AKAP6: variants seen among roughly 807,000 people sequenced by gnomAD.
AKAP6 encodes the protein A-kinase anchor protein 6.
Under a neutral mutation model 188.5 loss-of-function variants are expected in AKAP6, and 58 were observed. The observed-to-expected ratio is 0.31, with a 90% CI of 0.25 to 0.38. The LOEUF (loss-of-function observed/expected upper bound fraction) is 0.38. Among genes scored for constraint, AKAP6 ranks in the 10% least tolerant of loss-of-function variants. The pLI is 1.00. For synonymous variants in AKAP6, 989 were observed against 998.6 expected, an observed-to-expected ratio of 0.99 and a Z score of 0.18; for missense variants, 2,710 against 2,740.0, an observed-to-expected ratio of 0.99 and a Z score of 0.24.
In AKAP6 at chr14:32,742,499, A is replaced by C. The variant is rs139480243; in HGVS notation, c.3372+6617A>C. ...TTTTTCCTCTTTTTTTGATGTAGGC[A>C]CTTATAACTACAAAATTCCCTCTTA... On this transcript the variant is annotated intron_variant, in intron 11 of 13. Transcript: ENST00000280979. Among the ~76,000 whole-genome samples the C allele has an allele frequency of 2.8e-4, 42 of 151,948 alleles. No individual in the cohort carries two copies. In the East Asian group the frequency reaches 7.9e-3, roughly 29 times the overall value.
chr14:32,801,987 T>G (rs1041459877), intron 12 of AKAP6, among the ~76,000 whole-genome samples: 1 of 152,194 alleles, frequency 6.6e-6, no homozygotes, highest in African/African-American at 2.4e-5. Flanking sequence ...ATAGATTTTT[T>G]GGTATTTATC....
chr14:32,674,256 C>G (rs1040315962), intron 7 of AKAP6, among the ~76,000 whole-genome samples: 2 of 152,186 alleles, frequency 1.3e-5, no homozygotes, highest in African/African-American at 4.8e-5. Flanking sequence ...AACCAAATAT[C>G]CTAGGCCATG....
At chr14:32,497,045 C>T (rs546778812) in intron 2 of AKAP6, among the ~76,000 whole-genome samples, 3 of 152,004 alleles carry the variant, frequency 2.0e-5, no homozygotes, top group African/African-American at 4.8e-5. Context: ...ATCCGGAGAC[C>T]GTGGGCATAC....
In AKAP6 at chr14:32,712,047, G is replaced by T. The variant is rs1373155876; in HGVS notation, c.3000+15937G>T. The stretch of plus-strand genomic sequence containing the variant: ...TAAGACTTAATTTCACAGGCTAAAA[G>T]AACAAACTCATGGGTAAATATAATA... On this transcript the variant is annotated intron_variant, in intron 9 of 13. Coordinates refer to ENST00000280979, the MANE Select transcript of AKAP6 (RefSeq NM_004274.5). 2.0e-5 allele frequency among the ~76,000 whole-genome samples: 3 copies of T among 151,926 alleles called. No homozygotes were observed. The East Asian group carries it at 5.8e-4, about 29-fold the overall frequency.
chr14:32,635,981 A>G (rs1887469145), intron 7 of AKAP6, among the ~76,000 whole-genome samples: 1 of 152,106 alleles, frequency 6.6e-6, no homozygotes, highest in Non-Finnish European at 1.5e-5. Flanking sequence ...TCCACTATTA[A>G]GCTTACTGAT....
chr14:32,820,458 G>C (rs2034491462), intron 12 of AKAP6, among the ~76,000 whole-genome samples: 1 of 151,966 alleles, frequency 6.6e-6, no homozygotes, highest in African/African-American at 2.4e-5. Context: ...GAAACATCAA[G>C]GGTCCCAAGT....
At chr14:32,478,827 A>G (rs1177260280) in intron 2 of AKAP6, among the ~76,000 whole-genome samples, 1 of 152,192 alleles carries the variant, frequency 6.6e-6, no homozygotes, top group East Asian at 1.9e-4. Context: ...AGGAAATGGA[A>G]GAGAAGCATA....
chr14:32,496,681 G>A (rs754250362), intron 2 of AKAP6, among the ~76,000 whole-genome samples: 5 of 152,062 alleles, frequency 3.3e-5, no homozygotes, highest in Non-Finnish European at 7.4e-5. Flanking sequence ...TATTGTTAAT[G>A]TATTGCAGCC....
intron 1 of AKAP6, among the ~76,000 whole-genome samples, chr14:32,354,309 A>AG (rs11397425): frequency 6.6e-6 from 1 of 151,956 alleles, no homozygotes; most frequent in African/African-American, 2.4e-5. Flanking sequence ...AAAAAAAAAA[A>AG]GTAACAATTT....
Position 32,704,404 on chromosome 14 carries a change from A to G in AKAP6, c.3000+8294A>G, listed in dbSNP as rs1010810138. On this transcript the variant is annotated intron_variant, in intron 9 of 13. Coordinates refer to ENST00000280979, the MANE Select transcript of AKAP6 (RefSeq NM_004274.5). ...TTGTAGATTTCTTTCTAGTTTCTAG[A>G]AAAGAAAGTAGAGGAACATTTAAAT... Among the ~76,000 whole-genome samples the G allele has an allele frequency of 1.2e-4, 19 of 152,174 alleles. 1 individual carries two copies.
At chr14:32,732,679 T>G in intron 10 of AKAP6, 79 bp downstream of exon 10, 1 of 1,485,446 alleles carries the variant, frequency 6.7e-7, no homozygotes, top group Non-Finnish European at 9.3e-7. Flanking sequence ...ATTTCTAATT[T>G]GAGGCACAAA....
chr14:32,629,831 T>G (rs1439175219), intron 7 of AKAP6, among the ~76,000 whole-genome samples: 1 of 152,002 alleles, frequency 6.6e-6, no homozygotes, highest in Non-Finnish European at 1.5e-5. Context: ...TCTGAACACT[T>G]TGAGAGGCTG....
chr14:32,406,228 C>G (rs1259025320), intron 1 of AKAP6, among the ~76,000 whole-genome samples: 1 of 152,142 alleles, frequency 6.6e-6, no homozygotes, highest in Non-Finnish European at 1.5e-5. Context: ...TGTTTTGAGA[C>G]AGAGTCTTGC....
intron 1 of AKAP6, among the ~76,000 whole-genome samples, chr14:32,357,700 T>C (rs902962953): frequency 2.0e-5 from 3 of 152,244 alleles, no homozygotes; most frequent in African/African-American, 7.2e-5. Context: ...CGAAACACCT[T>C]ACATCCACCT....
At chr14:32,797,993 G>A (rs570205544) in intron 12 of AKAP6, among the ~76,000 whole-genome samples, 1 of 147,032 alleles carries the variant, frequency 6.8e-6, no homozygotes, top group African/African-American at 2.5e-5. Flanking sequence ...TGCAAACTAT[G>A]CATGTGACAA....
chr14:32,772,483 T>A (rs1424416725), intron 11 of AKAP6, among the ~76,000 whole-genome samples: 3 of 152,202 alleles, frequency 2.0e-5, no homozygotes, highest in Non-Finnish European at 4.4e-5. Context: ...TACAGAGTTC[T>A]CTCATTACAG....
intron 1 of AKAP6, among the ~76,000 whole-genome samples, chr14:32,422,971 T>C (rs922474622): frequency 1.3e-5 from 2 of 152,186 alleles, no homozygotes; most frequent in Non-Finnish European, 2.9e-5. Context: ...TTTTGTGAGT[T>C]GGTTAAGTCA....
At chr14:32,607,469 G>A (rs891439044) in intron 7 of AKAP6, among the ~76,000 whole-genome samples, 14 of 152,192 alleles carry the variant, frequency 9.2e-5, no homozygotes, top group Admixed American at 6.5e-5. Flanking sequence ...TGTGCCTAAA[G>A]TAATGGAAAG....
At chr14:32,718,890 C>T (rs1414389714) in intron 9 of AKAP6, among the ~76,000 whole-genome samples, 2 of 152,070 alleles carry the variant, frequency 1.3e-5, no homozygotes, top group South Asian at 2.1e-4. Context: ...TACATTTAAA[C>T]CATAATGCTA....
Sources: gnomAD v4.1 joint callset for allele counts (sites outside exome capture counted in the v4.1 genomes callset) on GRCh38, gnomAD v4.1.1 for gene constraint, MANE v1.5 for transcripts, NCBI Gene and HGNC (gene_info 2026-07-23, HGNC 2026-07-21) for gene names.